The following ADH4 variants were observed in gnomAD, a reference collection of about 807,000 sequenced individuals.
The protein encoded by ADH4 is all-trans-retinol dehydrogenase [NAD(+)] ADH4.
ADH4 carries 31 observed loss-of-function variants against 35.2 expected under a neutral mutation model. The observed-to-expected ratio is 0.88, with a 90% CI of 0.66 to 1.19. The LOEUF is 1.19. Among genes scored for constraint, ADH4 ranks in the 50% most tolerant of loss-of-function variants. ADH4 has a pLI of 0.00. For synonymous variants in ADH4, 171 were observed against 160.2 expected (o/e 1.07, Z -0.51); for missense variants, 476 against 458.3 (o/e 1.04, Z -0.35).
chr4:99,128,026 A>T (rs1314733896), intron 6 of ADH4, among the ~76,000 whole-genome samples: 1 of 150,892 alleles, frequency 6.6e-6, no homozygotes, highest in East Asian at 1.9e-4. Flanking sequence ...GACAAATAAG[A>T]CTAATTTAAA....
At chr4:99,141,008 G>A (rs1729596157) in intron 3 of ADH4, among the ~76,000 whole-genome samples, 1 of 152,140 alleles carries the variant, frequency 6.6e-6, no homozygotes, top group African/African-American at 2.4e-5. Context: ...CATAGTACCC[G>A]ATAGTTATTT....
chr4:99,131,181 T>C (rs1195731497), intron 6 of ADH4, among the ~76,000 whole-genome samples: 2 of 152,146 alleles, frequency 1.3e-5, no homozygotes, highest in Non-Finnish European at 2.9e-5. Flanking sequence ...GAAAATATTA[T>C]CTCCAGACAA....
At chr4:99,132,294 G>A (rs1729305682) in intron 5 of ADH4, among the ~76,000 whole-genome samples, 1 of 152,156 alleles carries the variant, frequency 6.6e-6, no homozygotes, top group South Asian at 2.1e-4. Context: ...TACAAGAACT[G>A]CGAACAGATT....
rs1347712858 is a variant in ADH4, at chr4:99,123,735, A to G, written c.*707T>C. ...CTCTTTTAGTCATATTAAAATATACAATTAAATTGCTGTTGACTATAGTCT... is the reference window on the plus strand; with the variant it reads ...CTCTTTTAGTCATATTAAAATATACGATTAAATTGCTGTTGACTATAGTCT... On this transcript the variant is annotated 3_prime_UTR_variant, in exon 9 of 9. Coordinates refer to ENST00000265512, the MANE Select transcript of ADH4 (RefSeq NM_000670.5). The G allele has an allele frequency of 6.6e-6, 1 of 152,124 alleles. No individual in the cohort carries two copies. The highest frequency in any genetic ancestry group is 1.9e-4 in the East Asian group (1 of 5,206). 9.4% of individuals were successfully genotyped at this position (152,124 alleles called of 1,614,324 possible).
chr4:99,125,386 G>T (rs1476810076), intron 8 of ADH4, among the ~76,000 whole-genome samples: 1 of 152,224 alleles, frequency 6.6e-6, no homozygotes, highest in East Asian at 1.9e-4. Context: ...GAATGTGGGA[G>T]ACTTGCCCAT....
chr4:99,144,193 T>C lies in ADH4; in HGVS notation c.18+12A>G. The C allele has an allele frequency of 6.2e-7, 1 of 1,613,676 alleles. No homozygotes were observed. Among genetic ancestry groups the C allele is most frequent in the Non-Finnish European group, 8.5e-7 (1 of 1,179,578 alleles). On this transcript the variant is annotated intron_variant, in intron 1 of 8. Coordinates refer to ENST00000265512, the MANE Select transcript of ADH4 (RefSeq NM_000670.5). ...AGCACAAACTGAACAAAGATACAGC[T>C]TACTTGCTTACTTTGCCCTTGGTGC... is the stretch of plus-strand genomic sequence containing the variant.
chr4:99,131,372 G>T, intron 6 of ADH4, 132 bp downstream of exon 6: 1 of 1,007,024 alleles, frequency 9.9e-7, no homozygotes. Context: ...AATGATTTGT[G>T]GCTTATAGTT....
chr4:99,135,543 G>A, intron 5 of ADH4, among the ~76,000 whole-genome samples: 1 of 152,146 alleles, frequency 6.6e-6, no homozygotes, highest in East Asian at 1.9e-4. Flanking sequence ...AGGAGGTAGG[G>A]CAGTCTTCTC....
chr4:99,130,901 TAAAG>T (rs149969519), intron 6 of ADH4, among the ~76,000 whole-genome samples: 31,892 of 151,942 alleles, frequency 0.21, 3,982 homozygotes, highest in Non-Finnish European at 0.28. Flanking sequence ...TATATACTGT[TAAAG>T]AAAAGATTCT....
chr4:99,142,277 T>C (rs922534881), intron 2 of ADH4, among the ~76,000 whole-genome samples: 2 of 152,218 alleles, frequency 1.3e-5, no homozygotes, highest in Admixed American at 1.3e-4. Context: ...CCAGGACCCT[T>C]CGGCTGCCTA....
intron 6 of ADH4, among the ~76,000 whole-genome samples, chr4:99,130,443 G>C (rs1001176278): frequency 2.6e-5 from 4 of 152,068 alleles, no homozygotes; most frequent in African/African-American, 9.7e-5. Context: ...TAAGCTACAG[G>C]GTGTTGACCC....
chr4:99,134,590 C>T (rs1729380131), intron 5 of ADH4, among the ~76,000 whole-genome samples: 2 of 151,978 alleles, frequency 1.3e-5, no homozygotes, highest in African/African-American at 4.8e-5. Flanking sequence ...TCTCTAGCGC[C>T]ATACAGCAGA....
chr4:99,132,325 C>T (rs937166067), intron 5 of ADH4, among the ~76,000 whole-genome samples: 1 of 152,108 alleles, frequency 6.6e-6, no homozygotes, highest in Non-Finnish European at 1.5e-5. Flanking sequence ...CTTCTCATGC[C>T]GTAGTTGACG....
intron 5 of ADH4, among the ~76,000 whole-genome samples, chr4:99,134,212 A>T (rs1284136173): frequency 6.6e-6 from 1 of 152,176 alleles, no homozygotes; most frequent in Non-Finnish European, 1.5e-5. Flanking sequence ...GATAGAGTGG[A>T]GGAATAATTT....
intron 2 of ADH4, among the ~76,000 whole-genome samples, chr4:99,142,336 C>T (rs117815550): frequency 6.6e-6 from 1 of 152,316 alleles, no homozygotes; most frequent in East Asian, 1.9e-4. Flanking sequence ...ATCAAATTGT[C>T]TATCTTCCTT....
chr4:99,137,788 C>G (rs970223740), intron 4 of ADH4, among the ~76,000 whole-genome samples: 32 of 152,186 alleles, frequency 2.1e-4, no homozygotes, highest in Non-Finnish European at 3.1e-4. Flanking sequence ...CTCCCTCCCC[C>G]ACATTGGAAT....
intron 1 of ADH4, among the ~76,000 whole-genome samples, chr4:99,143,906 C>T (rs1438518219): frequency 2.6e-5 from 4 of 152,112 alleles, no homozygotes; most frequent in African/African-American, 9.7e-5. Context: ...CCATATTCTC[C>T]TGCAACATTA....
intron 2 of ADH4, 96 bp downstream of exon 2, chr4:99,142,583 A>G (rs1729660007): frequency 1.6e-6 from 1 of 627,928 alleles, no homozygotes; most frequent in African/African-American, 1.9e-5. Context: ...AGAAACTCCA[A>G]GGCCTCTGAA....
At chr4:99,141,292 A>G (rs1400229781) in intron 3 of ADH4, among the ~76,000 whole-genome samples, 1 of 152,206 alleles carries the variant, frequency 6.6e-6, no homozygotes, top group Non-Finnish European at 1.5e-5. Context: ...ACTTTGCTTC[A>G]TGGGACAGTT....
Sources: allele counts gnomAD v4.1 joint callset (sites outside exome capture counted in the v4.1 genomes callset), GRCh38; gene constraint gnomAD v4.1.1; transcripts MANE v1.5; gene names NCBI Gene and HGNC (gene_info 2026-07-23, HGNC 2026-07-21).